The following TTC9 variants were observed in gnomAD, a reference collection of about 807,000 sequenced individuals.
TTC9 encodes tetratricopeptide repeat domain 9.
TTC9 carries 13 observed loss-of-function variants against 22.9 expected under a neutral mutation model. The ratio of observed to expected loss-of-function variants is 0.57; its 90% CI spans 0.37 to 0.90. The LOEUF (loss-of-function observed/expected upper bound fraction) is 0.90. Ranked by LOEUF, TTC9 falls within the 40% of genes least tolerant of loss-of-function variation. The probability of loss-of-function intolerance (pLI) is 0.01; values close to 1 mark genes in which losing one functional copy is unlikely to be tolerated. For missense variants in TTC9, 280 were observed against 291.8 expected (o/e 0.96, Z 0.29); for synonymous variants, 148 against 133.2 (o/e 1.11, Z -0.77).
At chr14:70,665,592 C>T (rs559002622) in intron 1 of TTC9, among the ~76,000 whole-genome samples, 93 of 152,276 alleles carry the variant, frequency 6.1e-4, no homozygotes, top group African/African-American at 2.2e-3. Context: ...GGCTTTCTGC[C>T]CTGCAGCCAG....
intron 1 of TTC9, among the ~76,000 whole-genome samples, chr14:70,645,090 C>T (rs1037045889): frequency 4.0e-5 from 6 of 151,640 alleles, no homozygotes; most frequent in African/African-American, 7.3e-5. Flanking sequence ...CCAGCCTGGG[C>T]GACAGAACGA....
At chr14:70,665,875 T>A (rs994021068) in intron 1 of TTC9, among the ~76,000 whole-genome samples, 1 of 152,136 alleles carries the variant, frequency 6.6e-6, no homozygotes, top group Non-Finnish European at 1.5e-5. Flanking sequence ...TCTGTCAGTG[T>A]GGAAAAGTCT....
intron 1 of TTC9, among the ~76,000 whole-genome samples, chr14:70,644,595 C>G (rs17108306): frequency 0.032 from 4,804 of 152,246 alleles, 291 homozygotes; most frequent in African/African-American, 0.11. Context: ...GGGCCTCTGT[C>G]TCACTTGAGC....
intron 1 of TTC9, among the ~76,000 whole-genome samples, chr14:70,657,190 TC>T (rs1886078637): frequency 6.6e-6 from 1 of 152,206 alleles, no homozygotes; most frequent in African/African-American, 2.4e-5. Context: ...GAATATAAAC[TC>T]CTTGAAGATA....
In TTC9 at chr14:70,673,908, C is replaced by T. The variant is rs1886332344; in HGVS notation, c.*2753C>T. 6.6e-6 allele frequency: 1 copy of T among 152,100 alleles called. No individual in the cohort carries two copies. Among genetic ancestry groups the T allele is most frequent in the Non-Finnish European group, 1.5e-5 (1 of 68,028 alleles). The allele number at this position is 152,100 out of a possible 1,614,324, so 9.4% of individuals were successfully genotyped here. On this transcript the variant is annotated 3_prime_UTR_variant, in exon 3 of 3. Transcript: ENST00000256367. ...CTCATAGAACAAGCGTCCAGGTCAT[C>T]TGCTTGTTTGGTGACTTAGATATAC... is the stretch of plus-strand genomic sequence containing the variant.
At chr14:70,649,086 A>G (rs1302926565) in intron 1 of TTC9, among the ~76,000 whole-genome samples, 1 of 152,200 alleles carries the variant, frequency 6.6e-6, no homozygotes, top group African/African-American at 2.4e-5. Flanking sequence ...TCACCTGTCA[A>G]TACTACCAGC....
chr14:70,658,913 G>T (rs1357540342), intron 1 of TTC9, among the ~76,000 whole-genome samples: 3 of 152,192 alleles, frequency 2.0e-5, no homozygotes, highest in Non-Finnish European at 4.4e-5. Context: ...TAACAACTTG[G>T]ATGCATTGCA....
chr14:70,671,225 C>G lies in TTC9; in HGVS notation c.*70C>G. On this transcript the variant is annotated 3_prime_UTR_variant, in exon 3 of 3. Coordinates refer to ENST00000256367, the MANE Select transcript of TTC9 (RefSeq NM_015351.2). ...TCCAGGCATCCCCTGGCAGAGAGCCCCGTCCTGGATTCTGTCCCTTTCTCC... is the reference window on the plus strand; with the variant it reads ...TCCAGGCATCCCCTGGCAGAGAGCCGCGTCCTGGATTCTGTCCCTTTCTCC... The G allele has an allele frequency of 7.4e-7, 1 of 1,357,736 alleles. No homozygotes were observed. The highest frequency in any genetic ancestry group is 1.0e-6 in the Non-Finnish European group (1 of 959,646). 84.1% of individuals were successfully genotyped at this position (1,357,736 alleles called of 1,614,324 possible). A position where few individuals can be genotyped will look rare whatever the true frequency, so the allele number is the denominator to read the frequency against.
At chr14:70,653,614 C>T (rs1886015990) in intron 1 of TTC9, among the ~76,000 whole-genome samples, 1 of 152,204 alleles carries the variant, frequency 6.6e-6, no homozygotes, top group African/African-American at 2.4e-5. Context: ...TCTAGGCACA[C>T]ATCATCTCCA....
intron 1 of TTC9, among the ~76,000 whole-genome samples, chr14:70,657,653 A>G (rs890460030): frequency 5.9e-5 from 9 of 152,140 alleles, no homozygotes; most frequent in African/African-American, 1.7e-4. Context: ...AGAAATAGGT[A>G]TTGGAGTGAA....
chr14:70,642,441 C>G lies in TTC9; in HGVS notation c.312C>G (p.Ala104=). The change falls in exon 1 of 3, where the codon GCC becomes GCG. Residue 104 remains alanine, a synonymous_variant. Coordinates refer to ENST00000256367, the MANE Select transcript of TTC9 (RefSeq NM_015351.2). ...AACGGGAGCGGGACTCGCGCCCGGC[C>G]TCCCCGGCTGGGGCCCTGAAGCCCG... is the stretch of plus-strand genomic sequence containing the variant. The part of the protein sequence containing the change: ...PGERERDSRP[A]SPAGALKPGR... The G allele has an allele frequency of 6.4e-7, 1 of 1,563,412 alleles. No homozygotes were observed. The highest frequency in any genetic ancestry group is 2.4e-5 in the East Asian group (1 of 41,356).
rs751915055 is a variant in TTC9, at chr14:70,642,409, C to G, written c.280C>G (p.Pro94Ala). 32 of 1,597,718 alleles carry G rather than the reference C, an allele frequency of 2.0e-5. No individual in the cohort carries two copies. The highest frequency in any genetic ancestry group is 2.6e-5 in the Non-Finnish European group (30 of 1,173,502). ...GGAGCTGAAGGGGCTGCTGCCGCCC[C>G]CCGGGGAACGGGAGCGGGACTCGCG... The part of the protein sequence containing the change: ...LLELKGLLPP[P>A]GERERDSRPA... The change falls in exon 1 of 3, where the codon CCC becomes GCC. Residue 94 changes from proline (P) to alanine (A), a missense_variant. Around this residue, in one of 5 missense-constraint regions of TTC9, gnomAD observed 165 missense variants for 145.4 expected, o/e 1.14. Coordinates refer to ENST00000256367, the MANE Select transcript of TTC9 (RefSeq NM_015351.2).
In TTC9 at chr14:70,671,380, A is replaced by G. The variant is rs1886292898; in HGVS notation, c.*225A>G. 2.3e-6 allele frequency: 1 copy of G among 444,354 alleles called. No individual in the cohort carries two copies. Among genetic ancestry groups the G allele is most frequent in the South Asian group, 2.3e-5 (1 of 43,600 alleles). The allele number at this position is 444,354 out of a possible 1,614,324, so 27.5% of individuals were successfully genotyped here. On this transcript the variant is annotated 3_prime_UTR_variant, in exon 3 of 3. Coordinates refer to ENST00000256367, the MANE Select transcript of TTC9 (RefSeq NM_015351.2). Reference sequence around the variant, plus strand: ...AGACAATGGAGACATCCTCTCCTCTAGCAGGTCAGCGACTGAGAGGGGCCT... The same window carrying G: ...AGACAATGGAGACATCCTCTCCTCTGGCAGGTCAGCGACTGAGAGGGGCCT...
In TTC9 at chr14:70,671,430, G is replaced by A. The variant is rs1310669173; in HGVS notation, c.*275G>A. On this transcript the variant is annotated 3_prime_UTR_variant, in exon 3 of 3. Coordinates refer to ENST00000256367, the MANE Select transcript of TTC9 (RefSeq NM_015351.2). Reference sequence around the variant, plus strand: ...TGACTTCTGCTGGGACAGCTGGAGAGGAGTCTCATGGGCTGGGATGCTGTT... The same window carrying A: ...TGACTTCTGCTGGGACAGCTGGAGAAGAGTCTCATGGGCTGGGATGCTGTT... 8.2e-6 allele frequency: 3 copies of A among 367,308 alleles called. No homozygotes were observed. The highest frequency in any genetic ancestry group is 1.6e-5 in the Non-Finnish European group (3 of 192,978). The allele number at this position is 367,308 out of a possible 1,614,324, so 22.8% of individuals were successfully genotyped here.
In TTC9 at chr14:70,674,886, T is replaced by C. The variant is rs1886347191; in HGVS notation, c.*3731T>C. ...GTAAATAGTGTTGCAACTGACATTC[T>C]TGTAGCTAAATTTTGCACATGTCTA... On this transcript the variant is annotated 3_prime_UTR_variant, in exon 3 of 3. Transcript: ENST00000256367. 1 of 152,236 alleles carries C rather than the reference T, an allele frequency of 6.6e-6. No individual in the cohort carries two copies. The highest frequency in any genetic ancestry group is 2.4e-5 in the African/African-American group (1 of 41,464). 9.4% of individuals were successfully genotyped at this position (152,236 alleles called of 1,614,324 possible). A position where few individuals can be genotyped will look rare whatever the true frequency, so the allele number is the denominator to read the frequency against.
At chr14:70,653,957 G>A (rs1434946301) in intron 1 of TTC9, among the ~76,000 whole-genome samples, 2 of 152,180 alleles carry the variant, frequency 1.3e-5, no homozygotes, top group Non-Finnish European at 2.9e-5. Flanking sequence ...GGCAGCCTCG[G>A]GACTGCCCCA....
chr14:70,673,681 AT>A lies in TTC9; in HGVS notation c.*2527del. 1 of 152,128 alleles carries A rather than the reference AT, an allele frequency of 6.6e-6. No individual in the cohort carries two copies. Among genetic ancestry groups the A allele is most frequent in the South Asian group, 2.1e-4 (1 of 4,796 alleles). 9.4% of individuals were successfully genotyped at this position (152,128 alleles called of 1,614,324 possible). On this transcript the variant is annotated 3_prime_UTR_variant, in exon 3 of 3. Coordinates refer to ENST00000256367, the MANE Select transcript of TTC9 (RefSeq NM_015351.2). ...GAGAAGGGTAGAGGTCACCTGGAGA[AT>A]GAGTTCAAACTGCCAGGGTCTTCCC...
chr14:70,642,315 C>G lies in TTC9; in HGVS notation c.186C>G (p.Ser62Arg). 1 of 1,571,796 alleles carries G rather than the reference C, an allele frequency of 6.4e-7. No individual in the cohort carries two copies. The highest frequency in any genetic ancestry group is 8.6e-7 in the Non-Finnish European group (1 of 1,160,636). ...ELIRRAHEFK[S>R]QGAQCYKDKK... is the part of the protein sequence containing the mutation. ...TCCGACGAGCGCACGAGTTCAAAAG[C>G]CAAGGGGCGCAGTGCTACAAGGACA... Residue 62 changes from serine (S) to arginine (R), a missense_variant, in exon 1 of 3, where the codon AGC becomes AGG. Transcript: ENST00000256367.
chr14:70,651,785 G>T (rs1885988089), intron 1 of TTC9, among the ~76,000 whole-genome samples: 1 of 152,170 alleles, frequency 6.6e-6, no homozygotes, highest in Non-Finnish European at 1.5e-5. Context: ...GCATGGTGTA[G>T]GTGCTCAGCA....
Sources: gnomAD v4.1 joint callset for allele counts (sites outside exome capture counted in the v4.1 genomes callset) on GRCh38, gnomAD v4.1.1 for gene constraint, gnomAD v4.1.1 regional missense constraint, MANE v1.5 for transcripts, NCBI Gene and HGNC (gene_info 2026-07-23, HGNC 2026-07-21) for gene names.